AIM2: variants seen among roughly 807,000 people sequenced by gnomAD.
AIM2 encodes interferon-inducible protein AIM2.
Under a neutral mutation model 27.7 loss-of-function variants are expected in AIM2, and 30 were observed. The ratio of observed to expected loss-of-function variants is 1.08; its 90% confidence interval spans 0.81 to 1.47. The LOEUF is 1.47. AIM2 is among the 40% of genes most tolerant of loss of function. The pLI, the probability that AIM2 is intolerant of heterozygous loss-of-function variation, is 0.00. For missense variants in AIM2, 358 were observed against 411.3 expected (o/e 0.87, Z 1.12); for synonymous variants, 141 against 145.3 (o/e 0.97, Z 0.21).
At chr1:159,090,003 C>A (rs963835548) in intron 1 of AIM2, among the ~76,000 whole-genome samples, 5 of 152,160 alleles carry the variant, frequency 3.3e-5, no homozygotes, top group Admixed American at 3.3e-4. Context: ...AAGGTTGCAT[C>A]CTTCCATGGA....
intron 1 of AIM2, among the ~76,000 whole-genome samples, chr1:159,098,102 A>T (rs1657217455): frequency 1.3e-5 from 2 of 152,200 alleles, no homozygotes; most frequent in Non-Finnish European, 2.9e-5. Context: ...ATACCCAATA[A>T]TGATCATTTA....
chr1:159,069,370 G>A (rs575330961), intron 2 of AIM2, among the ~76,000 whole-genome samples: 12 of 152,084 alleles, frequency 7.9e-5, no homozygotes, highest in African/African-American at 2.7e-4. Flanking sequence ...AATATTCATA[G>A]CAGCATTATT....
At chr1:159,068,468 T>C in intron 3 of AIM2, 100 bp downstream of exon 3, 1 of 1,454,902 alleles carries the variant, frequency 6.9e-7, no homozygotes, top group Non-Finnish European at 9.1e-7. Flanking sequence ...GCTTCCCTTA[T>C]TTGCATGCTG....
chr1:159,068,506 G>A (rs937437960), intron 3 of AIM2, 62 bp downstream of exon 3: 5 of 1,526,676 alleles, frequency 3.3e-6, no homozygotes, highest in African/African-American at 1.4e-5. Flanking sequence ...AACAATATGG[G>A]AAGTGACAGT....
At chr1:159,070,721 A>C (rs1656319461) in intron 2 of AIM2, among the ~76,000 whole-genome samples, 1 of 152,238 alleles carries the variant, frequency 6.6e-6, no homozygotes, top group African/African-American at 2.4e-5. Context: ...AAGATCAGAA[A>C]GTGGTTGACT....
chr1:159,081,809 C>T (rs1656783589), intron 1 of AIM2: 1 of 155,620 alleles, frequency 6.4e-6, no homozygotes, highest in Admixed American at 6.5e-5. Flanking sequence ...TGCAGTGTGG[C>T]CCAGATGCTA....
chr1:159,062,702 T>G lies in AIM2; in HGVS notation c.1022A>C (p.Lys341Thr). Reference protein sequence around the residue: ...HSTIKVIKAKKKT With the variant: ...HSTIKVIKAKTKT ...GTCCTTTTTACTTCTCTATGTTTTT[T>G]TTTTGGCCTTAATAACCTGGATGGA... The change falls in exon 6 of 6, where the codon AAA becomes ACA. Residue 341 changes from lysine to threonine, a missense_variant. Physicochemically the swap from Lys to Thr is moderately conservative, Grantham distance 78 (BLOSUM62 -1). Coordinates refer to ENST00000368130, the MANE Select transcript of AIM2 (RefSeq NM_004833.3). The G allele has an allele frequency of 6.2e-7, 1 of 1,613,982 alleles. No homozygotes were observed. The highest frequency in any genetic ancestry group is 8.5e-7 in the Non-Finnish European group (1 of 1,179,960).
chr1:159,066,507 G>C (rs1656106635), intron 3 of AIM2, among the ~76,000 whole-genome samples, 178 bp from the exon 4 acceptor site: 1 of 152,216 alleles, frequency 6.6e-6, no homozygotes, highest in Non-Finnish European at 1.5e-5. Context: ...ATAGAACAGA[G>C]AGTGCAGAAG....
intron 1 of AIM2, among the ~76,000 whole-genome samples, chr1:159,085,163 T>A (rs979846330): frequency 2.0e-5 from 3 of 152,102 alleles, no homozygotes; most frequent in African/African-American, 7.2e-5. Flanking sequence ...CAGGTTCTCA[T>A]GTTGATGACT....
chr1:159,096,087 C>A (rs1018639783), intron 1 of AIM2, among the ~76,000 whole-genome samples: 2 of 152,162 alleles, frequency 1.3e-5, no homozygotes, highest in Non-Finnish European at 2.9e-5. Flanking sequence ...GACTCCACTA[C>A]CAGAGACAAG....
At chr1:159,121,580 A>T (rs530407630) in intron 1 of AIM2, among the ~76,000 whole-genome samples, 8 of 152,236 alleles carry the variant, frequency 5.3e-5, no homozygotes, top group Admixed American at 1.3e-4. Flanking sequence ...CTATCCAAGT[A>T]TCTATACCTA....
Position 159,066,057 on chromosome 1 carries a change from G to A in AIM2, c.669C>T (p.Ser223=), listed in dbSNP as rs148686373. ...ATTCAGCATCTAACACACGTGAGGCGCTATTTACCTCTAAGAAACCACTGT... is the reference window on the plus strand; with the variant it reads ...ATTCAGCATCTAACACACGTGAGGCACTATTTACCTCTAAGAAACCACTGT... The part of the protein sequence containing the change: ...YRHSGFLEVN[S]ASRVLDAESD... Residue 223 remains serine, a synonymous_variant, in exon 4 of 6, where the codon AGC becomes AGT. Coordinates refer to ENST00000368130, the MANE Select transcript of AIM2 (RefSeq NM_004833.3). 1.4e-4 allele frequency: 222 copies of A among 1,613,928 alleles called. No individual in the cohort carries two copies. The highest frequency in any genetic ancestry group is 1.8e-4 in the Non-Finnish European group (214 of 1,180,014).
chr1:159,089,083 A>G (rs946095896), intron 1 of AIM2, among the ~76,000 whole-genome samples: 2 of 152,186 alleles, frequency 1.3e-5, no homozygotes, highest in African/African-American at 4.8e-5. Flanking sequence ...ACACTGACGA[A>G]TTTCTTAAGA....
At chr1:159,067,222 T>C (rs1299480325) in intron 3 of AIM2, among the ~76,000 whole-genome samples, 2 of 152,136 alleles carry the variant, frequency 1.3e-5, no homozygotes, top group Non-Finnish European at 2.9e-5. Flanking sequence ...TAGAGAGATA[T>C]TTACCAACAT....
intron 1 of AIM2, among the ~76,000 whole-genome samples, chr1:159,134,007 C>T (rs1180970394): frequency 6.6e-6 from 1 of 152,162 alleles, no homozygotes; most frequent in Non-Finnish European, 1.5e-5. Flanking sequence ...TTAGAAGCTC[C>T]AAACTGAACT....
chr1:159,099,106 T>C (rs2102016384), intron 1 of AIM2, among the ~76,000 whole-genome samples: 1 of 152,038 alleles, frequency 6.6e-6, no homozygotes, highest in African/African-American at 2.4e-5. Flanking sequence ...GTCCATAGAA[T>C]TAAGAGTATG....
At chr1:159,080,371 A>T (rs1018538387), upstream of AIM2, among the ~76,000 whole-genome samples, 7 of 152,202 alleles carry the variant, frequency 4.6e-5, no homozygotes, top group South Asian at 4.1e-4. Context: ...AAAATCTATG[A>T]CTCTGAAGAC....
chr1:159,089,114 A>C (rs1268284074), intron 1 of AIM2, among the ~76,000 whole-genome samples: 4 of 152,220 alleles, frequency 2.6e-5, no homozygotes, highest in Admixed American at 2.6e-4. Context: ...AAGGACTGTC[A>C]TTTGTATGAG....
intron 1 of AIM2, among the ~76,000 whole-genome samples, chr1:159,137,438 C>T (rs1346743069): frequency 1.3e-5 from 2 of 152,150 alleles, no homozygotes; most frequent in African/African-American, 4.8e-5. Flanking sequence ...GGGTGGATCA[C>T]TTGATCTAAG....
Sources: gnomAD v4.1 joint callset for allele counts (sites outside exome capture counted in the v4.1 genomes callset) on GRCh38, gnomAD v4.1.1 for gene constraint, MANE v1.5 for transcripts, NCBI Gene and HGNC (gene_info 2026-07-23, HGNC 2026-07-21) for gene names.